LRRC37B: variants seen among roughly 807,000 people sequenced by gnomAD.
LRRC37B encodes leucine rich repeat containing 37B.
A neutral mutation model predicts 98.3 loss-of-function variants in LRRC37B; 28 were observed. The observed-to-expected ratio is 0.28, with a 90% confidence interval of 0.21 to 0.39. LRRC37B has a LOEUF of 0.39. Among genes scored for constraint, LRRC37B ranks in the 10% least tolerant of loss-of-function variants. The pLI, the probability that LRRC37B is intolerant of heterozygous loss-of-function variation, is 1.00. For missense variants in LRRC37B, 938 were observed against 1,182.7 expected (o/e 0.79, Z 3.03); for synonymous variants, 364 against 442.7 (o/e 0.82, Z 2.23).
At chr17:32,050,040 A>G (rs1398375035) in exon 11 of LRRC37B, 1 of 1,593,336 alleles carries the variant, frequency 6.3e-7, no homozygotes, top group African/African-American at 1.3e-5. Flanking sequence ...TATAAGAACA[A>G]ACTCATCTTC....
At chr17:32,025,755 A>G (rs987202859) in intron 2 of LRRC37B, among the ~76,000 whole-genome samples, 2 of 152,228 alleles carry the variant, frequency 1.3e-5, no homozygotes, top group African/African-American at 2.4e-5. Context: ...TTCCTGTAGC[A>G]TAGATATCTA....
chr17:32,045,685 T>C lies in LRRC37B; in HGVS notation c.2205-15T>C, dbSNP rs1911551373. 1 of 1,604,920 alleles carries C rather than the reference T, an allele frequency of 6.2e-7. No homozygotes were observed. Among genetic ancestry groups the C allele is most frequent in the African/African-American group, 1.3e-5 (1 of 74,906 alleles). ...GCTTTACCACTAATTTATTGTTTTG[T>C]GTTTTCATCTATAGGATCTTACCTA... On this transcript the variant is annotated splice_polypyrimidine_tract_variant and intron_variant, in intron 7 of 11. Transcript: ENST00000327564.
intron 5 of LRRC37B, among the ~76,000 whole-genome samples, chr17:32,033,578 A>G (rs1303355504): frequency 2.0e-5 from 3 of 152,214 alleles, no homozygotes; most frequent in African/African-American, 7.2e-5. Context: ...AAATAGGGCA[A>G]TAATAATATC....
chr17:32,052,750 G>T (rs1232408416), intron 11 of LRRC37B: 2 of 152,210 alleles, frequency 1.3e-5, no homozygotes, highest in Non-Finnish European at 2.9e-5. Flanking sequence ...GGCCAACCTG[G>T]GCAGCATAGT....
At chr17:32,048,639 G>A (rs142732753) in intron 9 of LRRC37B, among the ~76,000 whole-genome samples, 1,546 of 152,270 alleles carry the variant, frequency 0.01, 10 homozygotes, top group Middle Eastern at 0.024. Context: ...AAAAAATACC[G>A]CTTTTATAAA....
exon 1 of LRRC37B, chr17:32,022,563 C>T (rs1910830847): frequency 1.9e-6 from 3 of 1,613,972 alleles, no homozygotes; most frequent in South Asian, 1.1e-5. Context: ...GACTAGAGCT[C>T]CTCATCCAGA....
chr17:32,045,411 C>A, intron 7 of LRRC37B: 1 of 317,446 alleles, frequency 3.2e-6, no homozygotes, highest in Non-Finnish European at 6.0e-6. Context: ...CAAAGTGAGA[C>A]TTTTGAGTCG....
chr17:32,026,602 T>C (rs1910960108), intron 2 of LRRC37B, among the ~76,000 whole-genome samples: 1 of 152,172 alleles, frequency 6.6e-6, no homozygotes, highest in Admixed American at 6.5e-5. Context: ...CTAATTTTTC[T>C]ATTTTGAGTA....
intron 5 of LRRC37B, chr17:32,034,049 C>A (rs539226545): frequency 6.6e-6 from 1 of 152,246 alleles, no homozygotes; most frequent in South Asian, 2.1e-4. Flanking sequence ...TGATGTCATA[C>A]AGGAAGACAA....
chr17:32,019,165 G>T (rs1910709629), upstream of LRRC37B, among the ~76,000 whole-genome samples: 1 of 152,170 alleles, frequency 6.6e-6, no homozygotes, highest in Non-Finnish European at 1.5e-5. Flanking sequence ...GACCTCAGGT[G>T]ATCCACCCAC....
intron 7 of LRRC37B, chr17:32,040,942 G>A (rs930496947): frequency 3.5e-5 from 33 of 954,088 alleles, no homozygotes; most frequent in Non-Finnish European, 4.7e-5. Context: ...TAAAAGAAGC[G>A]GCAGGGCAAG....
intron 4 of LRRC37B, 110 bp from the exon 8 acceptor site, chr17:32,031,268 A>G: frequency 1.3e-6 from 2 of 1,510,792 alleles, no homozygotes; most frequent in Non-Finnish European, 1.8e-6. Flanking sequence ...GCCTTAGTGC[A>G]CAGAGAAAAG....
At chr17:32,026,425 G>T (rs967678153) in intron 2 of LRRC37B, among the ~76,000 whole-genome samples, 2 of 152,170 alleles carry the variant, frequency 1.3e-5, no homozygotes, top group African/African-American at 4.8e-5. Context: ...TGAGGCAGGA[G>T]AATTGCTTTA....
At chr17:32,047,805 A>C in exon 9 of LRRC37B, 1 of 1,614,056 alleles carries the variant, frequency 6.2e-7, no homozygotes, top group Non-Finnish European at 8.5e-7. Context: ...GTTCATGAAG[A>C]TGTTACAAGC....
chr17:32,035,910 G>A (rs1911234529), intron 7 of LRRC37B: 2 of 305,788 alleles, frequency 6.5e-6, no homozygotes, highest in Non-Finnish European at 1.2e-5. Flanking sequence ...CTACTAATCT[G>A]ATTTCTGTTC....
intron 1 of LRRC37B, among the ~76,000 whole-genome samples, chr17:32,011,567 GGCTCACTGCA>G (rs2142234739): frequency 6.6e-6 from 1 of 151,776 alleles, no homozygotes; most frequent in South Asian, 2.1e-4. Context: ...GCACGATCTT[GGCTCACTGCA>G]GCCTCCACCT....
intron 5 of LRRC37B, among the ~76,000 whole-genome samples, chr17:32,032,880 G>T (rs1911147847): frequency 6.6e-6 from 1 of 152,156 alleles, no homozygotes. Flanking sequence ...TCAGAATCTG[G>T]TGGCCAGGAG....
chr17:32,009,412 C>T (rs1485975737), intron 1 of LRRC37B, among the ~76,000 whole-genome samples: 1 of 151,854 alleles, frequency 6.6e-6, no homozygotes, highest in African/African-American at 2.4e-5. Context: ...TGCAAGTGTG[C>T]ACCACCATAC....
At chr17:32,035,864 AG>A in intron 7 of LRRC37B, 1 of 419,098 alleles carries the variant, frequency 2.4e-6, no homozygotes. Context: ...TTCCCTTTGT[AG>A]GCAATCCCTT....
Sources: allele counts gnomAD v4.1 joint callset (sites outside exome capture counted in the v4.1 genomes callset), GRCh38; gene constraint gnomAD v4.1.1; transcripts MANE v1.5; gene names NCBI Gene and HGNC (gene_info 2026-07-23, HGNC 2026-07-21).